Variants in SNAP25 observed in about 807,000 individuals in gnomAD.
SNAP25 encodes the protein synaptosomal-associated protein 25.
Under a neutral mutation model 28.7 loss-of-function variants are expected in SNAP25, and 3 were observed. The observed-to-expected ratio is 0.10, with a 90% confidence interval of 0.05 to 0.27. SNAP25 has a LOEUF of 0.27. SNAP25 is among the 10% of genes least tolerant of loss of function. The pLI, the probability that SNAP25 is intolerant of heterozygous loss-of-function variation, is 1.00. For synonymous variants in SNAP25, 61 were observed against 88.1 expected (o/e 0.69, Z 1.72); for missense variants, 117 against 278.7 (o/e 0.42, Z 4.13).
intron 1 of SNAP25, among the ~76,000 whole-genome samples, chr20:10,269,134 G>A (rs1367886830): frequency 6.6e-6 from 1 of 152,134 alleles, no homozygotes; most frequent in African/African-American, 2.4e-5. Flanking sequence ...CCAGAAGTCC[G>A]GCGCAGTGTC....
At chr20:10,260,854 A>G (rs1189571163) in intron 1 of SNAP25, among the ~76,000 whole-genome samples, 1 of 152,214 alleles carries the variant, frequency 6.6e-6, no homozygotes, top group African/African-American at 2.4e-5. Context: ...CATTAGGTTA[A>G]TTAGTAAACC....
At chr20:10,270,071 T>C (rs887418749) in intron 1 of SNAP25, among the ~76,000 whole-genome samples, 1 of 151,742 alleles carries the variant, frequency 6.6e-6, no homozygotes, top group African/African-American at 2.4e-5. Context: ...CTGACCAACA[T>C]GGAGAAACCC....
At chr20:10,228,511 C>A (rs562460415) in intron 1 of SNAP25, among the ~76,000 whole-genome samples, 12 of 152,114 alleles carry the variant, frequency 7.9e-5, no homozygotes, top group Non-Finnish European at 1.5e-4. Flanking sequence ...TGTAAGTGAC[C>A]AGAGAAACTA....
chr20:10,301,593 T>C (rs1284533747), intron 7 of SNAP25, among the ~76,000 whole-genome samples: 1 of 152,056 alleles, frequency 6.6e-6, no homozygotes, highest in Non-Finnish European at 1.5e-5. Context: ...AAGATGTAAT[T>C]GCAATCACAC....
intron 1 of SNAP25, among the ~76,000 whole-genome samples, chr20:10,248,405 T>A (rs2122786478): frequency 6.6e-6 from 1 of 152,286 alleles, no homozygotes; most frequent in Admixed American, 6.5e-5. Flanking sequence ...AAGAGGAATA[T>A]AACAAGGAAA....
chr20:10,222,345 G>A (rs1047408373), intron 1 of SNAP25, among the ~76,000 whole-genome samples: 4 of 152,356 alleles, frequency 2.6e-5, no homozygotes, highest in East Asian at 1.9e-4. Flanking sequence ...GGGCGATATC[G>A]CAGTGGACTG....
At chr20:10,280,650 A>T (rs1217981661) in intron 3 of SNAP25, among the ~76,000 whole-genome samples, 1 of 152,184 alleles carries the variant, frequency 6.6e-6, no homozygotes, top group Non-Finnish European at 1.5e-5. Flanking sequence ...AATTCAGGAA[A>T]TGGAGTCTGC....
chr20:10,299,313 G>A lies in SNAP25; in HGVS notation c.453G>A (p.Glu151=), dbSNP rs1028374101. The part of the protein sequence containing the change: ...ARENEMDENL[E]QVSGIIGNLR... ...AAAATGAAATGGATGAAAACCTAGA[G>A]CAGGTGAGCGGCATCATCGGGAACC... Residue 151 remains glutamate (E), a synonymous_variant, in exon 7 of 8, where the codon GAG becomes GAA. Transcript: ENST00000254976. 9.3e-6 allele frequency: 15 copies of A among 1,613,972 alleles called. No individual in the cohort carries two copies. The highest frequency in any genetic ancestry group is 1.3e-5 in the Non-Finnish European group (15 of 1,180,008).
intron 3 of SNAP25, among the ~76,000 whole-genome samples, chr20:10,284,246 A>C (rs915251932): frequency 6.6e-6 from 1 of 152,042 alleles, no homozygotes; most frequent in Non-Finnish European, 1.5e-5. Flanking sequence ...CTCAACCCCC[A>C]CCACCAAGAT....
chr20:10,257,466 A>T (rs1257165423), intron 1 of SNAP25, among the ~76,000 whole-genome samples: 5 of 152,168 alleles, frequency 3.3e-5, no homozygotes, highest in Non-Finnish European at 7.3e-5. Flanking sequence ...CTGTCCCAGC[A>T]CTTTGGGAGG....
At chr20:10,286,065 T>C (rs2063871248) in intron 4 of SNAP25, among the ~76,000 whole-genome samples, 1 of 152,198 alleles carries the variant, frequency 6.6e-6, no homozygotes, top group Admixed American at 6.5e-5. Context: ...AGTGCAGATA[T>C]ACATTTACAG....
rs546565129 is a variant in SNAP25 at position 10,226,817 on chromosome 20, C to T, written c.-64+7840C>T. On this transcript the variant is annotated intron_variant, in intron 1 of 7. Transcript: ENST00000254976. ...TGTGAACTTGTCTCTATTTACATGG[C>T]AATCAACTAGGATGTCACTAAAATG... Among the ~76,000 whole-genome samples the T allele has an allele frequency of 2.5e-3, 383 of 152,208 alleles. 5 individuals carry two copies. The highest frequency in any genetic ancestry group is 8.7e-3 in the African/African-American group (362 of 41,548).
chr20:10,283,808 T>A (rs1442710682), intron 3 of SNAP25, among the ~76,000 whole-genome samples: 3 of 152,190 alleles, frequency 2.0e-5, no homozygotes, highest in African/African-American at 7.2e-5. Flanking sequence ...AATGCCATTT[T>A]ATACCCATTA....
At chr20:10,304,314 C>G (rs2064304675) in intron 7 of SNAP25, among the ~76,000 whole-genome samples, 1 of 152,130 alleles carries the variant, frequency 6.6e-6, no homozygotes, top group Non-Finnish European at 1.5e-5. Flanking sequence ...ATGAGTGGAA[C>G]AAAGTACAGT....
intron 7 of SNAP25, among the ~76,000 whole-genome samples, chr20:10,305,599 A>T (rs2064335996): frequency 6.6e-6 from 1 of 152,154 alleles, no homozygotes; most frequent in Non-Finnish European, 1.5e-5. Context: ...CAAACCCATG[A>T]TGTCCAAGGG....
chr20:10,306,118 C>T lies in SNAP25; in HGVS notation c.553-11C>T. The T allele has an allele frequency of 6.2e-7, 1 of 1,613,254 alleles. No homozygotes were observed. On this transcript the variant is annotated splice_polypyrimidine_tract_variant and intron_variant, in intron 7 of 7. Coordinates refer to ENST00000254976, the MANE Select transcript of SNAP25 (RefSeq NM_130811.4). ...GTAACCTGAGTTCTGTTTCTTTTCC[C>T]CCTTTTCTAGGCTGATTCCAACAAA...
chr20:10,228,506 G>A (rs1461275863), intron 1 of SNAP25, among the ~76,000 whole-genome samples: 2 of 152,176 alleles, frequency 1.3e-5, no homozygotes, highest in Non-Finnish European at 2.9e-5. Context: ...GGTGGTGTAA[G>A]TGACCAGAGA....
At chr20:10,288,253 T>C (rs897652660) in intron 4 of SNAP25, among the ~76,000 whole-genome samples, 3 of 152,086 alleles carry the variant, frequency 2.0e-5, no homozygotes, top group South Asian at 2.1e-4. Flanking sequence ...AAGTTAATAA[T>C]TTGTAACTTC....
At position 10,238,830 on chromosome 20, in the gene SNAP25, G is replaced by A. The variant is rs368824105; in HGVS notation, c.-64+19853G>A. On this transcript the variant is annotated intron_variant, in intron 1 of 7. Transcript: ENST00000254976. ...TGAGGCAGGAGAATCACTTGAACCT[G>A]GGAGGCAGAGGTTGCGGTGAGCCGA... 4.6e-5 allele frequency among the ~76,000 whole-genome samples: 7 copies of A among 151,970 alleles called. No individual in the cohort carries two copies. The East Asian group carries it at 9.6e-4, about 21-fold the overall frequency.
Sources: gnomAD v4.1 joint callset for allele counts (sites outside exome capture counted in the v4.1 genomes callset) on GRCh38, gnomAD v4.1.1 for gene constraint, MANE v1.5 for transcripts, NCBI Gene and HGNC (gene_info 2026-07-23, HGNC 2026-07-21) for gene names.